Variants in GPC6 observed in about 807,000 individuals in gnomAD.
The protein encoded by GPC6 is glypican 6.
Under a neutral mutation model 55.2 loss-of-function variants are expected in GPC6, and 14 were observed. The observed-to-expected ratio is 0.25, with a 90% confidence interval of 0.17 to 0.40. The LOEUF is 0.40. Among genes scored for constraint, GPC6 ranks in the 10% least tolerant of loss-of-function variants. The pLI is 1.00. For missense variants in GPC6, 641 were observed against 708.5 expected (o/e 0.90, Z 1.08); for synonymous variants, 278 against 259.6 (o/e 1.07, Z -0.68).
At chr13:93,485,348 C>T (rs1052981679) in intron 1 of GPC6, among the ~76,000 whole-genome samples, 1 of 152,050 alleles carries the variant, frequency 6.6e-6, no homozygotes, top group African/African-American at 2.4e-5. Flanking sequence ...TTCAGTAGAC[C>T]CATTCTGATA....
At chr13:93,945,449 C>T (rs1878959825) in intron 3 of GPC6, among the ~76,000 whole-genome samples, 2 of 152,126 alleles carry the variant, frequency 1.3e-5, no homozygotes, top group South Asian at 4.1e-4. Flanking sequence ...TGGTGGAAAG[C>T]ACAGGAATGC....
chr13:93,336,285 TA>T (rs945849567), intron 1 of GPC6, among the ~76,000 whole-genome samples: 69 of 152,308 alleles, frequency 4.5e-4, no homozygotes, highest in African/African-American at 1.6e-3. Flanking sequence ...ACCATATTAT[TA>T]TATTGGATGA....
At chr13:94,044,160 G>T (rs1160966352) in intron 4 of GPC6, among the ~76,000 whole-genome samples, 1 of 151,702 alleles carries the variant, frequency 6.6e-6, no homozygotes. Flanking sequence ...CCCACTCTTT[G>T]CAGGTTGATC....
At chr13:93,389,826 T>A (rs754910246) in intron 1 of GPC6, among the ~76,000 whole-genome samples, 5 of 152,136 alleles carry the variant, frequency 3.3e-5, no homozygotes, top group African/African-American at 4.8e-5. Flanking sequence ...TGTTAAGCCC[T>A]CTAATTTAGA....
intron 7 of GPC6, among the ~76,000 whole-genome samples, chr13:94,397,062 C>T (rs1450550169): frequency 6.6e-6 from 1 of 152,094 alleles, no homozygotes; most frequent in African/African-American, 2.4e-5. Context: ...TGGACATTAG[C>T]TACTATCCTC....
intron 1 of GPC6, among the ~76,000 whole-genome samples, chr13:93,263,525 C>T (rs927635085): frequency 6.6e-6 from 1 of 152,082 alleles, no homozygotes; most frequent in East Asian, 1.9e-4. Context: ...CCTCCACTCC[C>T]GGGTAATTTT....
intron 1 of GPC6, among the ~76,000 whole-genome samples, chr13:93,418,421 C>A (rs1876785746): frequency 6.6e-6 from 1 of 151,136 alleles, no homozygotes; most frequent in African/African-American, 2.4e-5. Flanking sequence ...ATTAATAGCA[C>A]TATACCATAG....
intron 4 of GPC6, among the ~76,000 whole-genome samples, chr13:94,225,701 C>A (rs1418110527): frequency 6.7e-6 from 1 of 149,238 alleles, no homozygotes; most frequent in Non-Finnish European, 1.5e-5. Flanking sequence ...ACTGTATAGT[C>A]TTTAAATAGA....
chr13:93,285,164 G>A (rs1333836274), intron 1 of GPC6, among the ~76,000 whole-genome samples: 1 of 152,178 alleles, frequency 6.6e-6, no homozygotes, highest in East Asian at 1.9e-4. Context: ...ATGCACGTTA[G>A]TCTTTATCCC....
intron 4 of GPC6, among the ~76,000 whole-genome samples, chr13:94,276,802 G>A (rs983773192): frequency 6.6e-6 from 1 of 152,138 alleles, no homozygotes; most frequent in African/African-American, 2.4e-5. Flanking sequence ...GTATTCCATG[G>A]TGTATATGTA....
At chr13:93,257,862 C>G (rs1877007619) in intron 1 of GPC6, among the ~76,000 whole-genome samples, 1 of 152,170 alleles carries the variant, frequency 6.6e-6, no homozygotes, top group African/African-American at 2.4e-5. Context: ...AATCATTGAG[C>G]TACATACCCT....
At chr13:93,423,004 G>A (rs1457529649) in intron 1 of GPC6, among the ~76,000 whole-genome samples, 1 of 152,114 alleles carries the variant, frequency 6.6e-6, no homozygotes, top group African/African-American at 2.4e-5. Context: ...TTTTAATGCT[G>A]GGAGTCAGCA....
chr13:94,301,360 G>T (rs986303324), intron 5 of GPC6, among the ~76,000 whole-genome samples: 3 of 152,068 alleles, frequency 2.0e-5, no homozygotes, highest in Non-Finnish European at 4.4e-5. Flanking sequence ...TTGTGCCATT[G>T]CACTCCAGTC....
At chr13:94,152,636 C>G (rs1250070709) in intron 4 of GPC6, among the ~76,000 whole-genome samples, 1 of 150,498 alleles carries the variant, frequency 6.6e-6, no homozygotes, top group Non-Finnish European at 1.5e-5. Context: ...CGGCATATTG[C>G]TACATCCTCA....
At chr13:93,571,643 C>A (rs1876410760) in intron 2 of GPC6, among the ~76,000 whole-genome samples, 1 of 152,120 alleles carries the variant, frequency 6.6e-6, no homozygotes, top group Non-Finnish European at 1.5e-5. Flanking sequence ...TTTTTAAAGT[C>A]TTAATAAAGA....
chr13:93,235,238 C>A (rs1046614054), intron 1 of GPC6, among the ~76,000 whole-genome samples: 9 of 152,074 alleles, frequency 5.9e-5, no homozygotes, highest in African/African-American at 1.9e-4. Context: ...GACAAAGGGC[C>A]ATGAAAGAAG....
chr13:93,757,413 C>T (rs1012698083), intron 2 of GPC6, among the ~76,000 whole-genome samples: 6 of 152,126 alleles, frequency 3.9e-5, no homozygotes, highest in African/African-American at 1.4e-4. Context: ...CACAATGAAT[C>T]AGTAACAGAG....
chr13:93,382,399 T>A (rs1430608794), intron 1 of GPC6, among the ~76,000 whole-genome samples: 1 of 152,212 alleles, frequency 6.6e-6, no homozygotes, highest in Non-Finnish European at 1.5e-5. Flanking sequence ...TGACTTCAGC[T>A]TTTTCAATCG....
At chr13:93,971,416 A>C (rs534751145) in intron 3 of GPC6, among the ~76,000 whole-genome samples, 18 of 152,212 alleles carry the variant, frequency 1.2e-4, no homozygotes, top group Non-Finnish European at 1.9e-4. Flanking sequence ...GCTCAGGCAA[A>C]TAAATTGAAA....
Sources: allele counts gnomAD v4.1 joint callset (sites outside exome capture counted in the v4.1 genomes callset), GRCh38; gene constraint gnomAD v4.1.1; transcripts MANE v1.5; gene names NCBI Gene and HGNC (gene_info 2026-07-23, HGNC 2026-07-21).